Variants in PRH1 observed in about 807,000 individuals in gnomAD.
The protein encoded by PRH1 is proline rich protein HaeIII subfamily 1.
Under a neutral mutation model 7.9 loss-of-function variants are expected in PRH1, and 7 were observed. That is an observed-to-expected ratio of 0.89 (90% CI 0.50 to 1.67). PRH1 has a LOEUF of 1.67. Ranked by LOEUF, PRH1 falls within the 40% of genes most tolerant of loss-of-function variation. The pLI is 0.00. For missense variants in PRH1, 109 were observed against 223.6 expected (o/e 0.49, Z 3.27); for synonymous variants, 45 against 80.8 (o/e 0.56, Z 2.38).
chr12:11,145,186 T>C (rs1422208978), intron 1 of PRH1, among the ~76,000 whole-genome samples: 1 of 152,168 alleles, frequency 6.6e-6, no homozygotes. Flanking sequence ...TTTTTTGTTT[T>C]GTTTTTTGTT....
Position 11,147,918 on chromosome 12 carries a change from AG to A in PRH1, n.39+23503del, listed in dbSNP as rs1210487792. On this transcript the variant is annotated intron_variant and non_coding_transcript_variant, in intron 1 of 1. Coordinates refer to the PRH1 transcript ENST00000541175. ...ACGATATTGATTCTTCCTACCCATG[AG>A]CATGGAATGTTCTTCCATTTGTTTG... Among the ~76,000 whole-genome samples, 7 of 151,108 alleles carry A rather than the reference AG, an allele frequency of 4.6e-5. No homozygotes were observed. In the Admixed American group the frequency reaches 4.6e-4, roughly 10 times the overall value.
chr12:11,079,523 T>C (rs935700166), intron 1 of PRH1, among the ~76,000 whole-genome samples: 9,310 of 58,978 alleles, frequency 0.16, 492 homozygotes, highest in East Asian at 0.22. Flanking sequence ...AAAATGAAAT[T>C]CAAAGACATA....
At chr12:11,146,879 A>G (rs566453136) in intron 1 of PRH1, among the ~76,000 whole-genome samples, 24 of 152,194 alleles carry the variant, frequency 1.6e-4, no homozygotes, top group Admixed American at 3.9e-4. Flanking sequence ...CACAAAAAGT[A>G]AATTACCTAA....
rs1396223098 is a variant in PRH1, at chr12:10,985,961, T to G, written c.-125-12240A>C. 14 of 1,604,904 alleles carry G rather than the reference T, an allele frequency of 8.7e-6. No individual in the cohort carries two copies. The South Asian group carries it at 1.5e-4, about 17-fold the overall frequency. ...GAGTTGAGAGTTTCAGGTCTTTTAC[T>G]CAGCACCTAATCTGACACAAAATCA... On this transcript the variant is annotated intron_variant, in intron 1 of 3. Coordinates refer to the PRH1 transcript ENST00000539853.
Position 11,168,299 on chromosome 12 carries a change from AGAAG to A in PRH1, n.39+3119_39+3122del, listed in dbSNP as rs1411750333. 6.1e-3 allele frequency among the ~76,000 whole-genome samples: 36 copies of A among 5,888 alleles called. 6 individuals are homozygous for A. Among genetic ancestry groups the A allele is most frequent in the African/African-American group, 9.2e-3 (18 of 1,956 alleles). 3.9% of individuals were successfully genotyped at this position (5,888 alleles called of 152,430 possible). ...AAGAAAGAAAGAAAGAAAGAAAGAA[AGAAG>A]GAAGGAAGGAAGGAAGGAAGGAAGG... On this transcript the variant is annotated intron_variant and non_coding_transcript_variant, in intron 1 of 1. Transcript: ENST00000541175.
chr12:11,125,992 GT>G (rs1178075372), intron 1 of PRH1, among the ~76,000 whole-genome samples: 19 of 148,946 alleles, frequency 1.3e-4, no homozygotes, highest in Non-Finnish European at 6.0e-5. Context: ...CTACAAGAAT[GT>G]TTTTTCAGCC....
intron 2 of PRH1, among the ~76,000 whole-genome samples, chr12:10,916,121 G>A (rs771266758): frequency 6.6e-6 from 1 of 152,146 alleles, no homozygotes; most frequent in Non-Finnish European, 1.5e-5. Context: ...GACATCTTAC[G>A]TGGCAGCAGA....
chr12:11,116,562 C>T (rs1332037147), downstream of PRH1, among the ~76,000 whole-genome samples: 1 of 152,006 alleles, frequency 6.6e-6, no homozygotes, highest in Admixed American at 6.5e-5. Context: ...GGAATACTTC[C>T]AGGCTCATTC....
chr12:11,150,591 G>C (rs530001627), intron 1 of PRH1, among the ~76,000 whole-genome samples: 2 of 152,030 alleles, frequency 1.3e-5, no homozygotes, highest in African/African-American at 2.4e-5. Flanking sequence ...AACACTGCAT[G>C]TTCTCACTCA....
intron 1 of PRH1, among the ~76,000 whole-genome samples, chr12:11,163,574 T>C (rs1323363936): frequency 1.3e-5 from 2 of 152,218 alleles, no homozygotes; most frequent in Non-Finnish European, 2.9e-5. Context: ...CAATTAATTA[T>C]GTGAATGTTG....
At chr12:11,033,369 A>T (rs988738650) in intron 1 of PRH1, among the ~76,000 whole-genome samples, 7 of 89,980 alleles carry the variant, frequency 7.8e-5, no homozygotes, top group African/African-American at 2.7e-4. Context: ...TCTGTCAAAA[A>T]ACAAAACAAA....
chr12:11,071,873 A>T (rs1341574024), intron 1 of PRH1, among the ~76,000 whole-genome samples: 1 of 152,200 alleles, frequency 6.6e-6, no homozygotes, highest in East Asian at 1.9e-4. Context: ...CCCTTGCTCA[A>T]TAACCCCCCT....
chr12:10,983,538 A>G (rs1326623311), intron 1 of PRH1, among the ~76,000 whole-genome samples: 1 of 152,224 alleles, frequency 6.6e-6, no homozygotes, highest in Non-Finnish European at 1.5e-5. Context: ...GGCTTTCATA[A>G]CTACCACCAA....
chr12:11,130,419 T>C (rs1403163759), intron 1 of PRH1, among the ~76,000 whole-genome samples: 1 of 152,140 alleles, frequency 6.6e-6, no homozygotes, highest in Non-Finnish European at 1.5e-5. Context: ...CACTATGTTT[T>C]GGGGGCCTAC....
chr12:11,053,040 T>A (rs1009252334), intron 1 of PRH1, among the ~76,000 whole-genome samples: 3 of 152,296 alleles, frequency 2.0e-5, no homozygotes, highest in Admixed American at 2.0e-4. Context: ...TACCTTCAAT[T>A]TGAAAGAAAC....
downstream of PRH1, among the ~76,000 whole-genome samples, chr12:11,120,675 A>C (rs1000326723): frequency 6.6e-6 from 1 of 151,832 alleles, no homozygotes. Flanking sequence ...TATTTTATCC[A>C]GAATTTATAG....
chr12:11,162,350 G>A (rs1947441901), intron 1 of PRH1, among the ~76,000 whole-genome samples: 1 of 152,144 alleles, frequency 6.6e-6, no homozygotes, highest in African/African-American at 2.4e-5. Context: ...GGAGTTTATT[G>A]TTGCCAGTCA....
chr12:11,010,777 T>C (rs1361819258), intron 1 of PRH1, among the ~76,000 whole-genome samples: 4 of 151,560 alleles, frequency 2.6e-5, no homozygotes, highest in African/African-American at 9.6e-5. Context: ...ATTCAGAATG[T>C]ATTTTTAGTT....
At chr12:10,986,260 A>T (rs1481287067) in intron 1 of PRH1, 2 of 1,614,134 alleles carry the variant, frequency 1.2e-6, no homozygotes, top group South Asian at 2.2e-5. Flanking sequence ...TTACACAGAG[A>T]ACAGATTAGC....
Sources: allele counts gnomAD v4.1 joint callset (sites outside exome capture counted in the v4.1 genomes callset), GRCh38; gene constraint gnomAD v4.1.1; transcripts MANE v1.5; gene names NCBI Gene and HGNC (gene_info 2026-07-23, HGNC 2026-07-21).